Variants in CABP1 observed in about 807,000 individuals in gnomAD.
The protein encoded by CABP1 is calcium binding protein 1, also known as calcium-binding protein 1.
CABP1 carries 17 observed loss-of-function variants against 34.3 expected under a neutral mutation model. The ratio of observed to expected loss-of-function variants is 0.50; its 90% CI spans 0.34 to 0.74. The LOEUF (loss-of-function observed/expected upper bound fraction) is 0.74. CABP1 is among the 30% of genes least tolerant of loss of function. The probability of loss-of-function intolerance (pLI) is 0.01; values close to 1 mark genes in which losing one functional copy is unlikely to be tolerated. For synonymous variants in CABP1, 198 were observed against 229.2 expected, an observed-to-expected ratio of 0.86 and a Z score of 1.23; for missense variants, 373 against 511.1, an observed-to-expected ratio of 0.73 and a Z score of 2.61.
intron 5 of CABP1, among the ~76,000 whole-genome samples, chr12:120,663,997 T>C (rs1338339997): frequency 6.6e-6 from 1 of 152,252 alleles, no homozygotes; most frequent in Non-Finnish European, 1.5e-5. Context: ...GGAGGTTTTC[T>C]CTCAGGAGCA....
At chr12:120,659,678 T>C (rs1318617681) in intron 1 of CABP1, 200 bp from the exon 2 acceptor site, 1 of 518,246 alleles carries the variant, frequency 1.9e-6, no homozygotes, top group Non-Finnish European at 3.4e-6. Context: ...GCATCTCCTG[T>C]TAGGGGCCCA....
chr12:120,650,933 G>A, intron 1 of CABP1, among the ~76,000 whole-genome samples: 1 of 152,170 alleles, frequency 6.6e-6, no homozygotes, highest in South Asian at 2.1e-4. Flanking sequence ...AAACTGTGTA[G>A]CTTTGGGGTT....
the CABP1 span, among the ~76,000 whole-genome samples, chr12:120,672,677 C>CAT: frequency 6.9e-6 from 1 of 144,714 alleles, no homozygotes; most frequent in African/African-American, 2.6e-5. Context: ...GTGGGCCTGA[C>CAT]TAAATGATAG....
chr12:120,647,740 G>GT (rs1879614317), intron 1 of CABP1, among the ~76,000 whole-genome samples: 2 of 94,166 alleles, frequency 2.1e-5, no homozygotes, highest in Admixed American at 1.2e-4. Context: ...GCTAACTTTT[G>GT]TATTTTTTTT....
chr12:120,656,019 CG>C (rs757206110), intron 1 of CABP1: 951 of 1,604,308 alleles, frequency 5.9e-4, no homozygotes, highest in Admixed American at 1.1e-3. Flanking sequence ...AAGCCCCTCC[CG>C]GGACCAGGAG....
Position 120,666,881 on chromosome 12 carries a change from TCCGGATGATGTC to T in CABP1, c.1098_1109del (p.Met367_Arg370del). 6.2e-7 allele frequency: 1 copy of T among 1,606,692 alleles called. No individual in the cohort carries two copies. The highest frequency in any genetic ancestry group is 8.5e-7 in the Non-Finnish European group (1 of 1,178,864). ...TGCTCCTCTACCCTTCTAGAGTTTG[TCCGGATGATGTC>T]CCGCTGAGGCCGCGAGGGCCCCTCC... On this transcript the variant is annotated inframe_deletion, in exon 6 of 6. Transcript: ENST00000316803.
downstream of CABP1, among the ~76,000 whole-genome samples, chr12:120,671,797 T>C (rs1300875428): frequency 1.3e-5 from 2 of 152,156 alleles, no homozygotes; most frequent in Non-Finnish European, 2.9e-5. Context: ...CTGGGTGCAG[T>C]GGATTGCACC....
intron 1 of CABP1, chr12:120,650,592 T>C: frequency 6.2e-7 from 1 of 1,613,500 alleles, no homozygotes; most frequent in East Asian, 2.2e-5. Flanking sequence ...CCCAGGAGCC[T>C]CCTTCATGGA....
chr12:120,665,265 A>G (rs1381731521), intron 5 of CABP1, among the ~76,000 whole-genome samples: 1 of 151,982 alleles, frequency 6.6e-6, no homozygotes, highest in Non-Finnish European at 1.5e-5. Flanking sequence ...TCTACTAAAA[A>G]TACAAAAAAA....
At chr12:120,642,995 G>GGAAA in intron 1 of CABP1, among the ~76,000 whole-genome samples, 1 of 69,506 alleles carries the variant, frequency 1.4e-5, no homozygotes, top group African/African-American at 7.6e-5. Context: ...CTCAGCTCCT[G>GGAAA]AAAAAAAAAA....
chr12:120,673,463 A>G, the CABP1 span, among the ~76,000 whole-genome samples: 1 of 152,122 alleles, frequency 6.6e-6, no homozygotes, highest in Non-Finnish European at 1.5e-5. Context: ...AGGCACCTGC[A>G]GTCCTAGCTA....
intron 1 of CABP1, among the ~76,000 whole-genome samples, chr12:120,645,364 C>A (rs553555440): frequency 6.6e-6 from 1 of 152,220 alleles, no homozygotes; most frequent in East Asian, 1.9e-4. Context: ...TCAGTGAGAG[C>A]CTCCAGGAGG....
chr12:120,672,423 G>C, the CABP1 span, among the ~76,000 whole-genome samples: 1 of 151,468 alleles, frequency 6.6e-6, no homozygotes, highest in Non-Finnish European at 1.5e-5. Flanking sequence ...ACCTGAGGTC[G>C]GGAGTTCGGG....
Position 120,661,316 on chromosome 12 carries a change from A to G in CABP1, c.1087+98A>G. 1 of 1,425,096 alleles carries G rather than the reference A, an allele frequency of 7.0e-7. No homozygotes were observed. The allele number at this position is 1,425,096 out of a possible 1,614,324, so 88.3% of individuals were successfully genotyped here. ...CATCATGCAACCATCAATCCGCCCTAATTTTCCAACCCCCAGCCCTTTCAT... is the reference window on the plus strand; with the variant it reads ...CATCATGCAACCATCAATCCGCCCTGATTTTCCAACCCCCAGCCCTTTCAT... On this transcript the variant is annotated intron_variant, in intron 5 of 5. Coordinates refer to ENST00000316803, the MANE Select transcript of CABP1 (RefSeq NM_001033677.2). The surrounding 1 kb of genome is among the most constrained non-coding windows in gnomAD (Gnocchi z 5.1).
intron 1 of CABP1, chr12:120,656,360 C>T (rs916494506): frequency 2.4e-6 from 3 of 1,261,260 alleles, no homozygotes; most frequent in African/African-American, 1.5e-5. Context: ...CTATACAGAG[C>T]TCACACCCCC....
At chr12:120,673,124 G>A in the CABP1 span, among the ~76,000 whole-genome samples, 2 of 151,460 alleles carry the variant, frequency 1.3e-5, no homozygotes, top group Non-Finnish European at 2.9e-5. Context: ...GAGAAGGAGG[G>A]AAAAAGCTAT....
At chr12:120,674,473 T>G in the CABP1 span, among the ~76,000 whole-genome samples, 1 of 152,204 alleles carries the variant, frequency 6.6e-6, no homozygotes, top group Non-Finnish European at 1.5e-5. Flanking sequence ...GGCTGGAGTA[T>G]CCTTTCATCT....
downstream of CABP1, among the ~76,000 whole-genome samples, chr12:120,668,283 A>T (rs1239207355): frequency 6.6e-6 from 1 of 152,188 alleles, no homozygotes; most frequent in Non-Finnish European, 1.5e-5. Flanking sequence ...GGATCACCTG[A>T]GTTCAGGAGT....
At chr12:120,663,431 T>C (rs951149401) in intron 5 of CABP1, among the ~76,000 whole-genome samples, 9 of 151,910 alleles carry the variant, frequency 5.9e-5, no homozygotes, top group African/African-American at 2.2e-4. Flanking sequence ...TGCACCACCA[T>C]GCCTGGCTAA....
Sources: allele counts gnomAD v4.1 joint callset (sites outside exome capture counted in the v4.1 genomes callset), GRCh38; gene constraint gnomAD v4.1.1; non-coding constraint Gnocchi (gnomAD v3.1); transcripts MANE v1.5; gene names NCBI Gene and HGNC (gene_info 2026-07-23, HGNC 2026-07-21).